SAV1: variants seen among roughly 807,000 people sequenced by gnomAD.
SAV1 encodes the protein salvador family WW domain containing protein 1, also known as protein salvador homolog 1.
SAV1 carries 23 observed loss-of-function variants against 47.3 expected under a neutral mutation model. The ratio of observed to expected loss-of-function variants is 0.49; its 90% CI spans 0.35 to 0.69. The LOEUF is 0.69. Among genes scored for constraint, SAV1 ranks in the 30% least tolerant of loss-of-function variants. The pLI, the probability that SAV1 is intolerant of heterozygous loss-of-function variation, is 0.01. For synonymous variants in SAV1, 155 were observed against 159.2 expected, an observed-to-expected ratio of 0.97 and a Z score of 0.20; for missense variants, 448 against 457.4, an observed-to-expected ratio of 0.98 and a Z score of 0.19.
intron 4 of SAV1, among the ~76,000 whole-genome samples, chr14:50,639,252 T>G (rs1280726588): frequency 1.3e-5 from 2 of 152,196 alleles, no homozygotes; most frequent in East Asian, 3.8e-4. Flanking sequence ...CTGTGAGAGA[T>G]AGGATTAAAG....
chr14:50,639,411 T>C (rs901919062), intron 4 of SAV1, among the ~76,000 whole-genome samples: 12 of 152,224 alleles, frequency 7.9e-5, no homozygotes, highest in African/African-American at 2.2e-4. Flanking sequence ...CCTTTGTTGA[T>C]AGAATATTAA....
At chr14:50,666,730 C>A (rs2039904188) in intron 1 of SAV1, among the ~76,000 whole-genome samples, 1 of 150,628 alleles carries the variant, frequency 6.6e-6, no homozygotes, top group African/African-American at 2.4e-5. Context: ...CAAGCTATCA[C>A]TTAAAAACAG....
chr14:50,653,498 G>A (rs1342820471), intron 2 of SAV1, among the ~76,000 whole-genome samples: 1 of 152,176 alleles, frequency 6.6e-6, no homozygotes, highest in East Asian at 1.9e-4. Context: ...TTTCAGGTTT[G>A]GTTCCAGATT....
At position 50,667,467 on chromosome 14, in the gene SAV1, A is replaced by C. The variant is rs560033096; in HGVS notation, c.94+407T>G. 5.3e-4 allele frequency: 244 copies of C among 457,462 alleles called. 1 individual carries two copies. Among genetic ancestry groups the C allele is most frequent in the Non-Finnish European group, 7.9e-5 (18 of 227,782 alleles). 28.3% of individuals were successfully genotyped at this position (457,462 alleles called of 1,614,324 possible). A position where few individuals can be genotyped will look rare whatever the true frequency, so the allele number is the denominator to read the frequency against. ...TGCAGCACAGTCGAGAGACACCCGC[A>C]ATGTTTGCAAACATGACGCACATCT... On this transcript the variant is annotated intron_variant, in intron 1 of 4. Transcript: ENST00000324679.
chr14:50,636,600 G>C (rs895903228), intron 4 of SAV1, among the ~76,000 whole-genome samples: 4 of 152,178 alleles, frequency 2.6e-5, no homozygotes, highest in African/African-American at 9.7e-5. Context: ...AGTACCTTTA[G>C]TAGTCGGCTA....
chr14:50,658,311 G>A (rs2039829846), intron 2 of SAV1, among the ~76,000 whole-genome samples: 1 of 152,164 alleles, frequency 6.6e-6, no homozygotes, highest in Admixed American at 6.5e-5. Flanking sequence ...TTTCGAGACA[G>A]AACTAAAATT....
intron 2 of SAV1, among the ~76,000 whole-genome samples, chr14:50,649,814 C>T (rs942069206): frequency 2.0e-5 from 3 of 152,164 alleles, no homozygotes; most frequent in East Asian, 1.9e-4. Flanking sequence ...CAGAAGACTG[C>T]CAGTCAACCC....
intron 2 of SAV1, among the ~76,000 whole-genome samples, chr14:50,657,816 G>A (rs758562744): frequency 3.9e-5 from 6 of 152,162 alleles, no homozygotes; most frequent in Non-Finnish European, 7.3e-5. Context: ...ATATGACTTA[G>A]TCGAAGACAC....
intron 2 of SAV1, among the ~76,000 whole-genome samples, chr14:50,650,803 C>T (rs1285904100): frequency 6.6e-6 from 1 of 152,136 alleles, no homozygotes; most frequent in African/African-American, 2.4e-5. Flanking sequence ...GGATGGACCA[C>T]CTGATGTCAG....
At chr14:50,653,248 A>AAT (rs2039784235) in intron 2 of SAV1, among the ~76,000 whole-genome samples, 1 of 152,166 alleles carries the variant, frequency 6.6e-6, no homozygotes, top group South Asian at 2.1e-4. Flanking sequence ...ATAAAATCCA[A>AAT]ATAAAGCTTG....
chr14:50,667,224 GA>G (rs1241280647), intron 1 of SAV1, among the ~76,000 whole-genome samples: 38 of 140,930 alleles, frequency 2.7e-4, no homozygotes, highest in African/African-American at 8.1e-4. Context: ...AAAACTTTTC[GA>G]GGGGGGGGTT....
intron 2 of SAV1, among the ~76,000 whole-genome samples, chr14:50,663,490 C>T (rs2039876707): frequency 1.3e-5 from 2 of 152,182 alleles, no homozygotes; most frequent in Admixed American, 1.3e-4. Context: ...CTAAAAGGTG[C>T]TTTTACCCAT....
rs761098801 is a variant in SAV1, at chr14:50,635,232, C to T, written c.1103G>A (p.Arg368Gln). ...RQALLTELEN[R>Q]KQRQQWYAQQ... ...GGCATACCACTGCTGTCTCTGCTTT[C>T]GGTTTTCCAACTCTGTAAGAAGGGC... The change falls in exon 5 of 5, where the codon CGA becomes CAA. Residue 368 changes from arginine to glutamine, a missense_variant. By Grantham distance (43) the Arg-to-Gln change is conservative (BLOSUM62 1). Transcript: ENST00000324679. 5.0e-6 allele frequency: 8 copies of T among 1,614,108 alleles called. No homozygotes were observed. The highest frequency in any genetic ancestry group is 2.2e-5 in the East Asian group (1 of 44,876).
chr14:50,648,037 G>T (rs1398970989), intron 2 of SAV1, among the ~76,000 whole-genome samples: 1 of 152,216 alleles, frequency 6.6e-6, no homozygotes, highest in East Asian at 1.9e-4. Flanking sequence ...AAGTGGAAAT[G>T]ACACACATGT....
rs753192625 is a variant in SAV1, at chr14:50,665,451, CT to C, written c.262del (p.Arg88GlufsTer16). The C allele has an allele frequency of 6.2e-7, 1 of 1,613,720 alleles. No individual in the cohort carries two copies. The highest frequency in any genetic ancestry group is 1.1e-5 in the South Asian group (1 of 91,016). ...AGGTGCAGATAATCTGTTGCTTTCT[CT>C]TCTCATTATTTCATGAGGTGTTCTT... is the stretch of plus-strand genomic sequence containing the variant. ...IQRTPHEIMR[R>X]ESNRLSAPSY... On this transcript the variant is annotated frameshift_variant, in exon 2 of 5. Transcript: ENST00000324679. LOFTEE classifies it high-confidence loss of function.
intron 1 of SAV1, among the ~76,000 whole-genome samples, chr14:50,666,862 G>C (rs1017552382): frequency 2.0e-5 from 3 of 151,826 alleles, no homozygotes; most frequent in African/African-American, 7.3e-5. Context: ...TGAAAGTATT[G>C]CAAGTACCAC....
At chr14:50,637,848 G>A (rs1281271591) in intron 4 of SAV1, 1 of 152,238 alleles carries the variant, frequency 6.6e-6, no homozygotes, top group Non-Finnish European at 1.5e-5. Context: ...GCTCCTGGGA[G>A]GTCACCATAC....
At chr14:50,642,084 T>C (rs1354253715) in intron 3 of SAV1, among the ~76,000 whole-genome samples, 2 of 152,100 alleles carry the variant, frequency 1.3e-5, no homozygotes, top group Non-Finnish European at 2.9e-5. Flanking sequence ...TGGAGGCCAT[T>C]ATCCTAAGTG....
chr14:50,641,430 T>G (rs1348535380), intron 3 of SAV1, among the ~76,000 whole-genome samples: 1 of 151,404 alleles, frequency 6.6e-6, no homozygotes, highest in African/African-American at 2.4e-5. Flanking sequence ...TAATAGCCTG[T>G]GTATGCTGTG....
Sources: gnomAD v4.1 joint callset for allele counts (sites outside exome capture counted in the v4.1 genomes callset) on GRCh38, gnomAD v4.1.1 for gene constraint, MANE v1.5 for transcripts, NCBI Gene and HGNC (gene_info 2026-07-23, HGNC 2026-07-21) for gene names.